Variants in TMTC3 observed in about 807,000 individuals in gnomAD.
The protein encoded by TMTC3 is protein O-mannosyl-transferase TMTC3.
Under a neutral mutation model 92.2 loss-of-function variants are expected in TMTC3, and 52 were observed. The observed-to-expected ratio is 0.56, with a 90% CI of 0.45 to 0.71. The LOEUF (loss-of-function observed/expected upper bound fraction) is 0.71, where lower values mean the gene tolerates loss of function less well. Ranked by LOEUF, TMTC3 falls within the 30% of genes least tolerant of loss-of-function variation. The pLI is 0.00. For synonymous variants in TMTC3, 339 were observed against 363.3 expected, an observed-to-expected ratio of 0.93 and a Z score of 0.76; for missense variants, 896 against 1,057.1, an observed-to-expected ratio of 0.85 and a Z score of 2.11.
chr12:88,193,747 C>A (rs896142560), intron 13 of TMTC3, among the ~76,000 whole-genome samples: 2 of 152,090 alleles, frequency 1.3e-5, no homozygotes, highest in Admixed American at 6.6e-5. Flanking sequence ...AGTCTTTATG[C>A]CTGGTGTCCA....
chr12:88,189,655 G>A lies in TMTC3; in HGVS notation c.1536+709G>A, dbSNP rs561599475. On this transcript the variant is annotated intron_variant, in intron 11 of 13. Coordinates refer to ENST00000266712, the MANE Select transcript of TMTC3 (RefSeq NM_181783.4). ...GATTCATTAAATATAAGGTAGTATCGAAATTGGAAGATCTTACCCTATGTC... is the reference window on the plus strand; with the variant it reads ...GATTCATTAAATATAAGGTAGTATCAAAATTGGAAGATCTTACCCTATGTC... 3.9e-5 allele frequency among the ~76,000 whole-genome samples: 6 copies of A among 152,036 alleles called. No homozygotes were observed. The South Asian group carries it at 8.3e-4, about 21-fold the overall frequency.
chr12:88,180,351 C>T (rs1331349725), intron 10 of TMTC3, among the ~76,000 whole-genome samples: 6 of 151,996 alleles, frequency 3.9e-5, no homozygotes, highest in African/African-American at 9.7e-5. Flanking sequence ...CAAGCAGTTA[C>T]GTTATTAGAG....
chr12:88,177,677 C>G (rs2041274748), intron 10 of TMTC3, among the ~76,000 whole-genome samples: 1 of 152,194 alleles, frequency 6.6e-6, no homozygotes, highest in Non-Finnish European at 1.5e-5. Context: ...CATGGCCCCC[C>G]ATCCACCAAA....
intron 7 of TMTC3, among the ~76,000 whole-genome samples, chr12:88,167,571 A>G (rs2041159786): frequency 6.6e-6 from 1 of 152,176 alleles, no homozygotes. Context: ...TACCCTTTGT[A>G]CAGTGCAGCA....
chr12:88,162,916 C>CT (rs1317532534), intron 6 of TMTC3, among the ~76,000 whole-genome samples: 1 of 26,442 alleles, frequency 3.8e-5, no homozygotes, highest in Non-Finnish European at 9.5e-5. Context: ...TTTTTTCTTT[C>CT]TTCTTTTTTT....
At chr12:88,144,997 C>T (rs574090638) in intron 1 of TMTC3, among the ~76,000 whole-genome samples, 56 of 152,258 alleles carry the variant, frequency 3.7e-4, no homozygotes, top group African/African-American at 1.3e-3. Context: ...CTTCTTTCTG[C>T]CCTAGGCTTT....
chr12:88,166,779 A>G (rs542205419), intron 7 of TMTC3, among the ~76,000 whole-genome samples, 197 bp downstream of exon 7: 1 of 152,334 alleles, frequency 6.6e-6, no homozygotes, highest in Admixed American at 6.5e-5. Context: ...TGTTCAGCAC[A>G]TAAAATATTT....
At chr12:88,180,998 C>G (rs1203196823) in intron 10 of TMTC3, among the ~76,000 whole-genome samples, 1 of 152,020 alleles carries the variant, frequency 6.6e-6, no homozygotes, top group African/African-American at 2.4e-5. Context: ...TTTTTAGTTT[C>G]TTGAGCATAT....
rs35576106 is a variant in TMTC3, at chr12:88,175,176, G to GA, written c.1320+459dup. On this transcript the variant is annotated intron_variant, in intron 9 of 13. Transcript: ENST00000266712. ...AATTCAGTAAAATAAAATGTACAGCGAAAAAAAAAAGGCACCCAATGATGT... is the reference window on the plus strand; with the variant it reads ...AATTCAGTAAAATAAAATGTACAGCGAAAAAAAAAAAGGCACCCAATGATGT... Among the ~76,000 whole-genome samples the GA allele has an allele frequency of 2.1e-3, 294 of 140,276 alleles. 1 individual carries two copies. Among genetic ancestry groups the GA allele is most frequent in the African/African-American group, 6.8e-3 (259 of 38,306 alleles). The allele number at this position is 140,276 out of a possible 152,430, so 92.0% of individuals were successfully genotyped here. A position where few individuals can be genotyped will look rare whatever the true frequency, so the allele number is the denominator to read the frequency against.
At chr12:88,172,978 C>G (rs1237138287) in intron 8 of TMTC3, 2 of 1,423,144 alleles carry the variant, frequency 1.4e-6, no homozygotes, top group African/African-American at 1.4e-5. Context: ...TGAGACAGAA[C>G]AAACTTTGAG....
intron 13 of TMTC3, among the ~76,000 whole-genome samples, chr12:88,193,479 T>G (rs763666664): frequency 6.6e-6 from 1 of 152,256 alleles, no homozygotes; most frequent in East Asian, 1.9e-4. Flanking sequence ...TTATAATGTT[T>G]AGTTATTTCT....
intron 10 of TMTC3, among the ~76,000 whole-genome samples, chr12:88,185,213 C>G (rs1397245569): frequency 6.6e-6 from 1 of 152,110 alleles, no homozygotes; most frequent in Non-Finnish European, 1.5e-5. Context: ...TCCTTGGATC[C>G]TTTTCTGATA....
chr12:88,148,616 T>TA, intron 2 of TMTC3, 112 bp downstream of exon 2: 1 of 803,186 alleles, frequency 1.2e-6, no homozygotes, highest in Non-Finnish European at 1.9e-6. Flanking sequence ...TACAGATTTT[T>TA]AACCCTAAAA....
At chr12:88,158,873 G>A (rs2041041070) in intron 4 of TMTC3, among the ~76,000 whole-genome samples, 1 of 151,848 alleles carries the variant, frequency 6.6e-6, no homozygotes, top group Non-Finnish European at 1.5e-5. Context: ...CCAACATGGA[G>A]AAATCCCGTC....
chr12:88,166,453 A>G lies in TMTC3; in HGVS notation c.921A>G (p.Gly307=). The change falls in exon 7 of 14, where the codon GGA becomes GGG. Residue 307 remains glycine, a synonymous_variant. Transcript: ENST00000266712. ...PSELCCDWTM[G]TIPLIESLLD... is the part of the protein sequence containing the mutation. ...AGCTCTGCTGTGATTGGACCATGGG[A>G]ACAATACCACTTATAGAGTCATTAC... The G allele has an allele frequency of 1.9e-6, 3 of 1,613,994 alleles. No homozygotes were observed. The highest frequency in any genetic ancestry group is 2.5e-6 in the Non-Finnish European group (3 of 1,179,956).
chr12:88,189,654 C>T (rs897656005), intron 11 of TMTC3, among the ~76,000 whole-genome samples: 2 of 151,908 alleles, frequency 1.3e-5, no homozygotes, highest in Non-Finnish European at 2.9e-5. Context: ...AAGGTAGTAT[C>T]GAAATTGGAA....
At chr12:88,179,220 T>A (rs866519402) in intron 10 of TMTC3, among the ~76,000 whole-genome samples, 1 of 152,196 alleles carries the variant, frequency 6.6e-6, no homozygotes, top group Non-Finnish European at 1.5e-5. Context: ...TTTTTTAAGC[T>A]GTATTCTTCC....
At chr12:88,165,834 C>T (rs999231047) in intron 6 of TMTC3, among the ~76,000 whole-genome samples, 1 of 152,098 alleles carries the variant, frequency 6.6e-6, no homozygotes, top group African/African-American at 2.4e-5. Context: ...ATGGTTTTCT[C>T]TCTCCATGAC....
chr12:88,154,536 T>C (rs1047223016), intron 4 of TMTC3, 149 bp downstream of exon 4: 1 of 492,458 alleles, frequency 2.0e-6, no homozygotes, highest in Non-Finnish European at 3.5e-6. Flanking sequence ...TGTGAAAATA[T>C]GAAATATGTA....
Sources: gnomAD v4.1 joint callset for allele counts (sites outside exome capture counted in the v4.1 genomes callset) on GRCh38, gnomAD v4.1.1 for gene constraint, MANE v1.5 for transcripts, NCBI Gene and HGNC (gene_info 2026-07-23, HGNC 2026-07-21) for gene names.